The following GPBP1L1 variants were observed in gnomAD, a reference collection of about 807,000 sequenced individuals.
The protein encoded by GPBP1L1 is GC-rich promoter binding protein 1 like 1.
Under a neutral mutation model 52.5 loss-of-function variants are expected in GPBP1L1, and 23 were observed. The observed-to-expected ratio is 0.44, with a 90% CI of 0.32 to 0.62. GPBP1L1 has a LOEUF of 0.62. Ranked by LOEUF, GPBP1L1 falls within the 20% of genes least tolerant of loss-of-function variation. The probability of loss-of-function intolerance (pLI) is 0.06; values close to 1 mark genes in which losing one functional copy is unlikely to be tolerated. For missense variants in GPBP1L1, 596 were observed against 579.3 expected (o/e 1.03, Z -0.30); for synonymous variants, 243 against 203.1 (o/e 1.20, Z -1.67).
intron 8 of GPBP1L1, among the ~76,000 whole-genome samples, chr1:45,639,977 A>C (rs886159244): frequency 6.6e-6 from 1 of 152,018 alleles, no homozygotes; most frequent in Non-Finnish European, 1.5e-5. Flanking sequence ...CTGAGGTCAC[A>C]CTGAGCCATG....
At chr1:45,662,433 C>A (rs1644957699) in intron 2 of GPBP1L1, among the ~76,000 whole-genome samples, 1 of 152,202 alleles carries the variant, frequency 6.6e-6, no homozygotes. Context: ...GTGTCAGCCA[C>A]TGTGCCTGGC....
At position 45,660,207 on chromosome 1, in the gene GPBP1L1, C is replaced by CCGGGAA; in HGVS notation, c.-80_-79insTTCCCG. On this transcript the variant is annotated 5_prime_UTR_variant, in exon 3 of 13. Coordinates refer to ENST00000355105, the MANE Select transcript of GPBP1L1 (RefSeq NM_021639.5). Reference sequence around the variant, plus strand: ...ACCCCAGAGTGTAACCTCTGTGGTCCTGTTTCTGAACTCGAGTCGGCCAGC... The same window carrying CCGGGAA: ...ACCCCAGAGTGTAACCTCTGTGGTCCCGGGAATGTTTCTGAACTCGAGTCGGCCAGC... The CCGGGAA allele has an allele frequency of 5.1e-6, 5 of 985,312 alleles. No individual in the cohort carries two copies. The highest frequency in any genetic ancestry group is 4.8e-6 in the Non-Finnish European group (4 of 829,902). The allele number at this position is 985,312 out of a possible 1,614,324, so 61.0% of individuals were successfully genotyped here.
Position 45,630,395 on chromosome 1 carries a change from A to G in GPBP1L1, c.1169+87T>C, listed in dbSNP as rs992559674. On this transcript the variant is annotated intron_variant, in intron 11 of 12. Coordinates refer to ENST00000355105, the MANE Select transcript of GPBP1L1 (RefSeq NM_021639.5). ...TGGGCCACTTCTCTCTGCATGTGGG[A>G]CCTATCTATCTGAGATATCTTCTCC... 6.1e-6 allele frequency: 9 copies of G among 1,465,608 alleles called. 1 individual carries two copies. The African/African-American group carries it at 1.1e-4, about 18-fold the overall frequency. 90.8% of individuals were successfully genotyped at this position (1,465,608 alleles called of 1,614,324 possible).
rs61790002 is a variant in GPBP1L1 at position 45,663,676 on chromosome 1, G to A, written c.-1097-2451C>T. On this transcript the variant is annotated intron_variant, in intron 2 of 12. Coordinates refer to ENST00000355105, the MANE Select transcript of GPBP1L1 (RefSeq NM_021639.5). ...TAAAAAATGAAGAAGACAGATAAAA[G>A]AGATTTCTGTTCTGGAAGTAAAAGA... Among the ~76,000 whole-genome samples, 670 of 152,320 alleles carry A rather than the reference G, an allele frequency of 4.4e-3. 1 individual carries two copies. The highest frequency in any genetic ancestry group is 6.0e-3 in the Non-Finnish European group (407 of 68,028).
intron 6 of GPBP1L1, among the ~76,000 whole-genome samples, chr1:45,650,074 TGCTCCCAATATTAAAGGGA>T (rs1369021672): frequency 2.0e-5 from 3 of 152,210 alleles, no homozygotes; most frequent in South Asian, 4.1e-4. Context: ...ATATTAATAT[TGCTCCCAATATTAAAGGGA>T]GCTCTGCTTT....
At chr1:45,673,098 A>G (rs1436697941) in intron 2 of GPBP1L1, among the ~76,000 whole-genome samples, 1 of 152,228 alleles carries the variant, frequency 6.6e-6, no homozygotes, top group Non-Finnish European at 1.5e-5. Flanking sequence ...CTGATACAGA[A>G]AACTGCTGAA....
At chr1:45,638,324 A>G (rs940063686) in intron 8 of GPBP1L1, among the ~76,000 whole-genome samples, 2 of 152,054 alleles carry the variant, frequency 1.3e-5, no homozygotes, top group African/African-American at 4.8e-5. Context: ...AGGTGCCACT[A>G]CCTCCACATA....
In GPBP1L1 at chr1:45,680,719, G is replaced by A. The variant is rs1569895010; in HGVS notation, c.-1098+4857C>T. Among the ~76,000 whole-genome samples the A allele has an allele frequency of 3.3e-5, 5 of 151,888 alleles. No homozygotes were observed. The Middle Eastern group carries it at 0.014, about 416-fold the overall frequency. ...TGAATAAGTTATTTCACCCCTTTTT[G>A]TCCCAAATACCTACCTAATTTGGAG... On this transcript the variant is annotated intron_variant, in intron 2 of 12. Coordinates refer to ENST00000355105, the MANE Select transcript of GPBP1L1 (RefSeq NM_021639.5).
At chr1:45,632,408 A>G (rs971068733) in intron 10 of GPBP1L1, among the ~76,000 whole-genome samples, 1 of 152,118 alleles carries the variant, frequency 6.6e-6, no homozygotes, top group Non-Finnish European at 1.5e-5. Flanking sequence ...ATCTCAAAAA[A>G]TAAAGTAATA....
chr1:45,665,242 C>T (rs1241294268), intron 2 of GPBP1L1, among the ~76,000 whole-genome samples: 1 of 151,854 alleles, frequency 6.6e-6, no homozygotes, highest in Non-Finnish European at 1.5e-5. Flanking sequence ...CGAGATCACG[C>T]CATTGCAGGC....
At chr1:45,633,717 T>G (rs948806380) in intron 9 of GPBP1L1, 70 bp from the exon 10 acceptor site, 46 of 1,475,164 alleles carry the variant, frequency 3.1e-5, no homozygotes, top group Middle Eastern at 1.9e-4. Context: ...TTCTACTAAG[T>G]GCTGACTTCA....
intron 2 of GPBP1L1, among the ~76,000 whole-genome samples, chr1:45,677,446 C>T (rs1645160825): frequency 6.6e-6 from 1 of 151,814 alleles, no homozygotes; most frequent in South Asian, 2.1e-4. Context: ...CTACAGTGAG[C>T]TGTGATGATC....
At chr1:45,678,894 G>C (rs1645179258) in intron 2 of GPBP1L1, among the ~76,000 whole-genome samples, 1 of 152,116 alleles carries the variant, frequency 6.6e-6, no homozygotes, top group African/African-American at 2.4e-5. Flanking sequence ...ATCTCATTTA[G>C]TAAAATAAAA....
intron 2 of GPBP1L1, among the ~76,000 whole-genome samples, chr1:45,674,268 C>T (rs906359181): frequency 1.3e-5 from 2 of 152,080 alleles, no homozygotes; most frequent in Non-Finnish European, 2.9e-5. Flanking sequence ...ACAGGATTGC[C>T]TATTTTATTT....
At chr1:45,668,499 C>G (rs906533586) in intron 2 of GPBP1L1, among the ~76,000 whole-genome samples, 2 of 152,058 alleles carry the variant, frequency 1.3e-5, no homozygotes, top group Non-Finnish European at 2.9e-5. Context: ...ACTAAAAATA[C>G]AAGAATTAGC....
chr1:45,685,330 C>G (rs1293637495), intron 2 of GPBP1L1, among the ~76,000 whole-genome samples: 1 of 152,186 alleles, frequency 6.6e-6, no homozygotes. Flanking sequence ...TACACAAGAA[C>G]ACGACTTACT....
chr1:45,629,783 G>A (rs1644506489), intron 11 of GPBP1L1, 105 bp from the exon 12 acceptor site: 5 of 726,240 alleles, frequency 6.9e-6, no homozygotes, highest in African/African-American at 1.8e-5. Context: ...GGCAATGGAT[G>A]TTAAAGAAGG....
intron 2 of GPBP1L1, among the ~76,000 whole-genome samples, chr1:45,673,361 C>G (rs567020772): frequency 6.6e-6 from 1 of 152,272 alleles, no homozygotes; most frequent in African/African-American, 2.4e-5. Context: ...GAATGAACTA[C>G]AGAGATACAG....
rs1245549409 is a variant in GPBP1L1, at chr1:45,629,556, G to A, written c.1272+20C>T. On this transcript the variant is annotated intron_variant, in intron 12 of 12. Coordinates refer to ENST00000355105, the MANE Select transcript of GPBP1L1 (RefSeq NM_021639.5). ...CTCCTGGTTACTAACTGGTCTCTAG[G>A]AAGAAGGTTTACAACATACCTGCTC... 2.0e-6 allele frequency: 3 copies of A among 1,469,140 alleles called. 1 individual carries two copies. In the South Asian group the frequency reaches 3.4e-5, roughly 17 times the overall value. 91.0% of individuals were successfully genotyped at this position (1,469,140 alleles called of 1,614,324 possible).
Sources: allele counts gnomAD v4.1 joint callset (sites outside exome capture counted in the v4.1 genomes callset), GRCh38; gene constraint gnomAD v4.1.1; transcripts MANE v1.5; gene names NCBI Gene and HGNC (gene_info 2026-07-23, HGNC 2026-07-21).